LHFPL4: variants seen among roughly 807,000 people sequenced by gnomAD.
LHFPL4 encodes LHFPL tetraspan subfamily member 4, also known as LHFPL tetraspan subfamily member 4 protein.
LHFPL4 carries 6 observed loss-of-function variants against 20.0 expected under a neutral mutation model. That is an observed-to-expected ratio of 0.30 (90% CI 0.16 to 0.59). LHFPL4 has a LOEUF of 0.59. LHFPL4 is among the 20% of genes least tolerant of loss of function. The probability of loss-of-function intolerance (pLI) is 0.88; values close to 1 mark genes in which losing one functional copy is unlikely to be tolerated. For synonymous variants in LHFPL4, 129 were observed against 143.8 expected, an observed-to-expected ratio of 0.90 and a Z score of 0.74; for missense variants, 215 against 331.2, an observed-to-expected ratio of 0.65 and a Z score of 2.72.
chr3:9,538,148 C>A (rs537668081), intron 2 of LHFPL4, among the ~76,000 whole-genome samples: 1 of 152,272 alleles, frequency 6.6e-6, no homozygotes, highest in South Asian at 2.1e-4. Context: ...CCTCTCCATC[C>A]GCCATCCTTG....
chr3:9,501,857 T>A lies in LHFPL4; in HGVS notation c.*354A>T, dbSNP rs1299093700. ...ACAGCCAGGCGGCAGCCCTCCAGAC[T>A]GAGGGGGCCTGGGGAGCTGGAACTA... On this transcript the variant is annotated 3_prime_UTR_variant, in exon 4 of 4. Coordinates refer to ENST00000287585, the MANE Select transcript of LHFPL4 (RefSeq NM_198560.3). The A allele has an allele frequency of 8.2e-6, 2 of 243,058 alleles. No individual in the cohort carries two copies. The highest frequency in any genetic ancestry group is 1.0e-4 in the Admixed American group (2 of 19,780). The allele number at this position is 243,058 out of a possible 1,614,324, so 15.1% of individuals were successfully genotyped here.
At chr3:9,508,227 A>C (rs6803438) in intron 2 of LHFPL4, among the ~76,000 whole-genome samples, 2 of 151,904 alleles carry the variant, frequency 1.3e-5, no homozygotes, top group Admixed American at 6.6e-5. Context: ...CCTCCTTCTC[A>C]TCGTGGCACT....
At chr3:9,546,817 C>G (rs1012928503) in intron 2 of LHFPL4, among the ~76,000 whole-genome samples, 1 of 152,304 alleles carries the variant, frequency 6.6e-6, no homozygotes, top group Middle Eastern at 3.4e-3. Context: ...GAATGCTTCT[C>G]ATACACCAGG....
Position 9,501,872 on chromosome 3 carries a change from A to C in LHFPL4, c.*339T>G. 1 of 265,694 alleles carries C rather than the reference A, an allele frequency of 3.8e-6. No individual in the cohort carries two copies. 16.5% of individuals were successfully genotyped at this position (265,694 alleles called of 1,614,324 possible). On this transcript the variant is annotated 3_prime_UTR_variant, in exon 4 of 4. Transcript: ENST00000287585. The stretch of plus-strand genomic sequence containing the variant: ...CCCTCCAGACTGAGGGGGCCTGGGG[A>C]GCTGGAACTACAGCTCCGCTCTCCC...
chr3:9,503,520 G>A (rs559437323), intron 3 of LHFPL4, among the ~76,000 whole-genome samples: 1 of 152,290 alleles, frequency 6.6e-6, no homozygotes, highest in African/African-American at 2.4e-5. Flanking sequence ...TCCCAAAGCC[G>A]TGCAGGAAAT....
chr3:9,508,102 C>T (rs746544319), intron 2 of LHFPL4, among the ~76,000 whole-genome samples: 56 of 152,320 alleles, frequency 3.7e-4, no homozygotes, highest in Admixed American at 2.4e-3. Flanking sequence ...GTCCACCTGG[C>T]CCATCTAGTC....
At chr3:9,547,243 C>A (rs895011338) in intron 2 of LHFPL4, among the ~76,000 whole-genome samples, 2 of 152,204 alleles carry the variant, frequency 1.3e-5, no homozygotes, top group Non-Finnish European at 2.9e-5. Flanking sequence ...TCTGCCTCAG[C>A]CTTCGAAAAT....
chr3:9,521,538 C>T (rs1220258448), intron 2 of LHFPL4, among the ~76,000 whole-genome samples: 10 of 151,842 alleles, frequency 6.6e-5, no homozygotes, highest in African/African-American at 2.2e-4. Flanking sequence ...GTAGTTGGGA[C>T]TACAGGGGCC....
In LHFPL4 at chr3:9,501,522, C is replaced by G. The variant is rs2046174631; in HGVS notation, c.*689G>C. 1 of 152,622 alleles carries G rather than the reference C, an allele frequency of 6.6e-6. No homozygotes were observed. Among genetic ancestry groups the G allele is most frequent in the African/African-American group, 2.4e-5 (1 of 41,458 alleles). 9.5% of individuals were successfully genotyped at this position (152,622 alleles called of 1,614,324 possible). On this transcript the variant is annotated 3_prime_UTR_variant, in exon 4 of 4. Transcript: ENST00000287585. ...TCCAACTGCCGAGGCCACGTACCCC[C>G]TCCCGCTACCTCCAGAGCCTGAAAG...
chr3:9,541,366 C>G (rs1480677914), intron 2 of LHFPL4, among the ~76,000 whole-genome samples: 1 of 152,154 alleles, frequency 6.6e-6, no homozygotes, highest in Non-Finnish European at 1.5e-5. Context: ...GACAAGGGTA[C>G]CAGAACCATT....
chr3:9,523,092 G>GAAAGAA lies in LHFPL4; in HGVS notation c.407-16890_407-16889insTTCTTT, dbSNP rs113605238. On this transcript the variant is annotated intron_variant, in intron 2 of 3. Coordinates refer to ENST00000287585, the MANE Select transcript of LHFPL4 (RefSeq NM_198560.3). ...GAAAGAAAAGGAAGAAAGAAAGAAAGAGAGAGAGAGAGAGAAAGCAAGCAA... is the reference window on the plus strand; with the variant it reads ...GAAAGAAAAGGAAGAAAGAAAGAAAGAAAGAAAGAGAGAGAGAGAGAAAGCAAGCAA... 7.6e-4 allele frequency among the ~76,000 whole-genome samples: 101 copies of GAAAGAA among 133,582 alleles called. 1 individual carries two copies. In the South Asian group the frequency reaches 9.7e-3, roughly 13 times the overall value. The allele number at this position is 133,582 out of a possible 152,430, so 87.6% of individuals were successfully genotyped here.
At chr3:9,504,888 T>C (rs1042071130) in intron 3 of LHFPL4, among the ~76,000 whole-genome samples, 19 of 152,000 alleles carry the variant, frequency 1.3e-4, no homozygotes, top group Non-Finnish European at 1.8e-4. Context: ...TAGTTTTGCT[T>C]ACTTTCGAGC....
intron 2 of LHFPL4, among the ~76,000 whole-genome samples, chr3:9,536,266 C>T (rs2125664567): frequency 6.6e-6 from 1 of 152,346 alleles, no homozygotes; most frequent in South Asian, 2.1e-4. Context: ...CTGTTCCTGC[C>T]CATCCAGGGC....
chr3:9,527,748 G>A (rs1442973516), intron 2 of LHFPL4, among the ~76,000 whole-genome samples: 2 of 151,082 alleles, frequency 1.3e-5, no homozygotes, highest in East Asian at 1.9e-4. Flanking sequence ...CTAGTGTGGC[G>A]GAATAATTTT....
At chr3:9,521,012 T>C (rs919056342) in intron 2 of LHFPL4, among the ~76,000 whole-genome samples, 1 of 152,170 alleles carries the variant, frequency 6.6e-6, no homozygotes, top group Non-Finnish European at 1.5e-5. Flanking sequence ...TCTCGAAGTC[T>C]CCAACTACAA....
chr3:9,533,628 C>A (rs1004573583), intron 2 of LHFPL4, among the ~76,000 whole-genome samples: 2 of 151,700 alleles, frequency 1.3e-5, no homozygotes, highest in African/African-American at 4.8e-5. Context: ...TAAAAATACA[C>A]AAAATTAGCT....
Position 9,502,272 on chromosome 3 carries a change from C to T in LHFPL4, c.683G>A (p.Gly228Glu). The T allele has an allele frequency of 1.9e-6, 3 of 1,613,982 alleles. No homozygotes were observed. The highest frequency in any genetic ancestry group is 3.3e-5 in the Admixed American group (2 of 60,014). ...GSTVSSVLRP[G>E]GDVSGWGVLP... ...GACTCCCCATCCAGAGACATCACCCCCGGGCCGCAACACGGAGCTTACTGT... is the reference window on the plus strand; with the variant it reads ...GACTCCCCATCCAGAGACATCACCCTCGGGCCGCAACACGGAGCTTACTGT... The change falls in exon 4 of 4, where the codon GGG becomes GAG. Residue 228 changes from glycine to glutamate, a missense_variant. This residue lies in a region of LHFPL4 where 51 missense variants were observed against 44.5 expected (regional missense o/e 1.15). Transcript: ENST00000287585.
chr3:9,522,323 T>C (rs1240070500), intron 2 of LHFPL4, among the ~76,000 whole-genome samples: 1 of 152,006 alleles, frequency 6.6e-6, no homozygotes, highest in African/African-American at 2.4e-5. Flanking sequence ...AATAATCCTA[T>C]GTATGACTGT....
intron 2 of LHFPL4, among the ~76,000 whole-genome samples, chr3:9,517,303 A>G (rs2046309749): frequency 6.6e-6 from 1 of 152,144 alleles, no homozygotes; most frequent in South Asian, 2.1e-4. Context: ...TGGCAAGAAC[A>G]AACATCTTGA....
Sources: allele counts gnomAD v4.1 joint callset (sites outside exome capture counted in the v4.1 genomes callset), GRCh38; gene constraint gnomAD v4.1.1; regional missense constraint gnomAD v4.1.1; transcripts MANE v1.5; gene names NCBI Gene and HGNC (gene_info 2026-07-23, HGNC 2026-07-21).